MYO1D: variants seen among roughly 807,000 people sequenced by gnomAD.
MYO1D encodes the protein myosin ID, also known as unconventional myosin-Id.
A neutral mutation model predicts 122.0 loss-of-function variants in MYO1D; 83 were observed. The ratio of observed to expected loss-of-function variants is 0.68; its 90% CI spans 0.57 to 0.82. MYO1D has a LOEUF of 0.82. Ranked by LOEUF, MYO1D falls within the 40% of genes least tolerant of loss-of-function variation. MYO1D has a pLI of 0.00. For synonymous variants in MYO1D, 464 were observed against 446.9 expected (o/e 1.04, Z -0.48); for missense variants, 1,157 against 1,269.5 (o/e 0.91, Z 1.35).
chr17:32,649,567 C>CTTTTTTTTTTTTT (rs35514290), intron 19 of MYO1D, among the ~76,000 whole-genome samples: 6 of 94,046 alleles, frequency 6.4e-5, no homozygotes, highest in African/African-American at 8.8e-5. Context: ...TTCTTTCTTT[C>CTTTTTTTTTTTTT]TTTTTTTTTT....
chr17:32,683,853 C>A (rs1422412301), intron 16 of MYO1D, among the ~76,000 whole-genome samples: 1 of 151,892 alleles, frequency 6.6e-6, no homozygotes, highest in African/African-American at 2.4e-5. Context: ...AGCCTCGTTG[C>A]CGCCTTGCAG....
intron 21 of MYO1D, among the ~76,000 whole-genome samples, chr17:32,509,342 G>A (rs933176264): frequency 1.1e-4 from 16 of 152,214 alleles, no homozygotes; most frequent in African/African-American, 3.9e-4. Flanking sequence ...CCCTGTATTA[G>A]CTGCTGCCTC....
intron 21 of MYO1D, among the ~76,000 whole-genome samples, chr17:32,598,128 C>A (rs2087520045): frequency 6.6e-6 from 1 of 152,138 alleles, no homozygotes; most frequent in South Asian, 2.1e-4. Context: ...AATCCCAGCA[C>A]TTTGCGGGGC....
chr17:32,661,728 A>G (rs1043098584), intron 16 of MYO1D, among the ~76,000 whole-genome samples: 2 of 152,032 alleles, frequency 1.3e-5, no homozygotes. Context: ...GACACTATCC[A>G]AATCACACAA....
chr17:32,685,908 C>T (rs772077739), intron 16 of MYO1D, among the ~76,000 whole-genome samples: 12 of 152,104 alleles, frequency 7.9e-5, no homozygotes, highest in Non-Finnish European at 8.8e-5. Context: ...TTGGCCAATG[C>T]GATATAAATT....
At chr17:32,608,771 G>A (rs978515650) in intron 20 of MYO1D, among the ~76,000 whole-genome samples, 2 of 152,144 alleles carry the variant, frequency 1.3e-5, no homozygotes, top group Non-Finnish European at 2.9e-5. Context: ...GCATGTGCAC[G>A]GATAAACAAA....
intron 21 of MYO1D, among the ~76,000 whole-genome samples, chr17:32,577,176 G>A (rs973548423): frequency 6.8e-6 from 1 of 146,686 alleles, no homozygotes; most frequent in African/African-American, 2.5e-5. Context: ...ACTTGAACCC[G>A]GGAGGCGGAG....
chr17:32,750,806 C>T (rs929937766), intron 11 of MYO1D, among the ~76,000 whole-genome samples: 7 of 152,186 alleles, frequency 4.6e-5, no homozygotes, highest in African/African-American at 1.4e-4. Context: ...CTCACTCTGA[C>T]TTCTTTAATA....
At chr17:32,844,816 G>A (rs1567669130) in intron 1 of MYO1D, among the ~76,000 whole-genome samples, 1 of 151,998 alleles carries the variant, frequency 6.6e-6, no homozygotes, top group African/African-American at 2.4e-5. Flanking sequence ...TGTCAAATGG[G>A]GTATGACTTC....
intron 4 of MYO1D, among the ~76,000 whole-genome samples, 159 bp downstream of exon 4, chr17:32,775,705 A>AGAG (rs2090165172): frequency 6.6e-6 from 1 of 152,234 alleles, no homozygotes. Flanking sequence ...AGTGCTAAGA[A>AGAG]GAGAAGACAA....
intron 16 of MYO1D, among the ~76,000 whole-genome samples, chr17:32,707,921 A>G (rs2150984400): frequency 6.6e-6 from 1 of 152,296 alleles, no homozygotes; most frequent in Admixed American, 6.5e-5. Context: ...GGAGGAATTG[A>G]GTGCATCTGG....
chr17:32,777,047 GAT>G (rs756950684), intron 3 of MYO1D, among the ~76,000 whole-genome samples: 2 of 152,098 alleles, frequency 1.3e-5, no homozygotes, highest in African/African-American at 2.4e-5. Context: ...CTTGTGATAA[GAT>G]ATGTTTGTGA....
intron 11 of MYO1D, among the ~76,000 whole-genome samples, chr17:32,751,092 C>T (rs1418240067): frequency 6.6e-6 from 1 of 151,760 alleles, no homozygotes; most frequent in Non-Finnish European, 1.5e-5. Context: ...TTGGTAATAG[C>T]AGTTATGTAT....
At chr17:32,711,582 G>A (rs1219260070) in intron 16 of MYO1D, among the ~76,000 whole-genome samples, 2 of 151,962 alleles carry the variant, frequency 1.3e-5, no homozygotes, top group Non-Finnish European at 1.5e-5. Context: ...GGAGGTGGAG[G>A]TGGCAGTAAG....
chr17:32,579,733 T>C (rs945803286), intron 21 of MYO1D, among the ~76,000 whole-genome samples: 7 of 152,180 alleles, frequency 4.6e-5, no homozygotes, highest in Admixed American at 6.5e-5. Context: ...TTTTCTAGAG[T>C]TGTATATAAA....
chr17:32,631,203 G>C (rs942471260), intron 20 of MYO1D, among the ~76,000 whole-genome samples: 1 of 152,160 alleles, frequency 6.6e-6, no homozygotes, highest in East Asian at 1.9e-4. Context: ...AACAGGGTAG[G>C]GGTATATGTG....
intron 19 of MYO1D, among the ~76,000 whole-genome samples, chr17:32,652,536 A>G (rs1229997794): frequency 6.6e-6 from 1 of 152,100 alleles, no homozygotes; most frequent in South Asian, 2.1e-4. Flanking sequence ...AATTTCATTA[A>G]TATTTTAAAA....
Position 32,494,634 on chromosome 17 carries a change from G to T in MYO1D, c.*125C>A. Reference sequence around the variant, plus strand: ...AAACCAGGAAGGAAATCTTACAGGGGCGGGGCTCCTCTGGGAGGGGCCCTC... The same window carrying T: ...AAACCAGGAAGGAAATCTTACAGGGTCGGGGCTCCTCTGGGAGGGGCCCTC... On this transcript the variant is annotated 3_prime_UTR_variant, in exon 22 of 22. Coordinates refer to ENST00000318217, the MANE Select transcript of MYO1D (RefSeq NM_015194.3). 1 of 1,120,236 alleles carries T rather than the reference G, an allele frequency of 8.9e-7. No homozygotes were observed. Among genetic ancestry groups the T allele is most frequent in the Non-Finnish European group, 1.2e-6 (1 of 809,412 alleles). 69.4% of individuals were successfully genotyped at this position (1,120,236 alleles called of 1,614,324 possible). A position where few individuals can be genotyped will look rare whatever the true frequency, so the allele number is the denominator to read the frequency against.
intron 21 of MYO1D, among the ~76,000 whole-genome samples, chr17:32,522,117 G>A (rs996527742): frequency 2.1e-5 from 3 of 143,820 alleles, no homozygotes; most frequent in African/African-American, 7.7e-5. Context: ...GCAAAACTCA[G>A]TTTCTCTGAA....
Sources: allele counts gnomAD v4.1 joint callset (sites outside exome capture counted in the v4.1 genomes callset), GRCh38; gene constraint gnomAD v4.1.1; transcripts MANE v1.5; gene names NCBI Gene and HGNC (gene_info 2026-07-23, HGNC 2026-07-21).